The following CSMD1 variants were observed in gnomAD, a reference collection of about 807,000 sequenced individuals.
CSMD1 encodes the protein CUB and sushi domain-containing protein 1.
A neutral mutation model predicts 417.5 loss-of-function variants in CSMD1; 213 were observed. The ratio of observed to expected loss-of-function variants is 0.51; its 90% CI spans 0.46 to 0.57. The LOEUF (loss-of-function observed/expected upper bound fraction) is 0.57, where lower values mean the gene tolerates loss of function less well. CSMD1 is among the 20% of genes least tolerant of loss of function. The pLI is 0.00. For synonymous variants in CSMD1, 2,862 were observed against 1,736.8 expected, an observed-to-expected ratio of 1.65 and a Z score of -16.11; for missense variants, 6,923 against 4,529.7, an observed-to-expected ratio of 1.53 and a Z score of -15.17.
intron 3 of CSMD1, among the ~76,000 whole-genome samples, chr8:4,383,578 G>C (rs1264518237): frequency 3.9e-5 from 6 of 152,086 alleles, no homozygotes; most frequent in Non-Finnish European, 8.8e-5. Context: ...TCTGATTACA[G>C]GGCCCTGAAA....
intron 11 of CSMD1, among the ~76,000 whole-genome samples, chr8:3,484,747 A>T (rs1203916112): frequency 6.6e-6 from 1 of 152,246 alleles, no homozygotes; most frequent in African/African-American, 2.4e-5. Context: ...AGTAAGAAAC[A>T]TCCGCTTAGA....
At chr8:3,752,083 G>A (rs868823486) in intron 6 of CSMD1, among the ~76,000 whole-genome samples, 2 of 151,816 alleles carry the variant, frequency 1.3e-5, no homozygotes, top group Non-Finnish European at 2.9e-5. Flanking sequence ...ACCCAGCCTG[G>A]GTGTGCACCC....
intron 5 of CSMD1, among the ~76,000 whole-genome samples, chr8:3,784,645 C>CT (rs202005053): frequency 0.013 from 1,977 of 152,272 alleles, 22 homozygotes; most frequent in Non-Finnish European, 0.022. Flanking sequence ...AAATAGAAAT[C>CT]TGTTTGGTTT....
At chr8:3,520,564 C>T (rs1431017809) in intron 10 of CSMD1, among the ~76,000 whole-genome samples, 4 of 152,182 alleles carry the variant, frequency 2.6e-5, no homozygotes, top group East Asian at 1.9e-4. Flanking sequence ...TCTAGAAGTG[C>T]GTACATTTAA....
intron 3 of CSMD1, among the ~76,000 whole-genome samples, chr8:4,256,247 C>T (rs757850947): frequency 3.3e-5 from 5 of 152,212 alleles, no homozygotes; most frequent in Non-Finnish European, 7.3e-5. Flanking sequence ...CCTTCTCTCT[C>T]TGCTTTGAGT....
chr8:4,069,999 A>C (rs2130774885), intron 3 of CSMD1, among the ~76,000 whole-genome samples: 1 of 151,778 alleles, frequency 6.6e-6, no homozygotes, highest in East Asian at 1.9e-4. Context: ...TTCCTTTAGA[A>C]TGTTCAATGT....
intron 11 of CSMD1, among the ~76,000 whole-genome samples, chr8:3,488,014 A>T (rs989205666): frequency 6.6e-6 from 1 of 151,392 alleles, no homozygotes; most frequent in Non-Finnish European, 1.5e-5. Flanking sequence ...CTACAAACGC[A>T]ATCAAAATAT....
chr8:3,338,286 G>A (rs1563286894), intron 23 of CSMD1, among the ~76,000 whole-genome samples: 2 of 152,180 alleles, frequency 1.3e-5, no homozygotes, highest in African/African-American at 2.4e-5. Context: ...AGTCATGCGT[G>A]GGTGCTGGGC....
chr8:3,345,550 A>T (rs1464815858), intron 22 of CSMD1, among the ~76,000 whole-genome samples: 1 of 152,186 alleles, frequency 6.6e-6, no homozygotes, highest in Non-Finnish European at 1.5e-5. Context: ...CAATTGGATG[A>T]GGAACAGGCT....
At chr8:4,330,255 A>T (rs1799793926) in intron 3 of CSMD1, among the ~76,000 whole-genome samples, 1 of 122,592 alleles carries the variant, frequency 8.2e-6, no homozygotes, top group Non-Finnish European at 2.0e-5. Context: ...ATCCAGTAGG[A>T]CTCTGTCTGG....
intron 5 of CSMD1, among the ~76,000 whole-genome samples, chr8:3,949,354 C>T (rs1305917629): frequency 2.0e-5 from 3 of 152,268 alleles, no homozygotes; most frequent in Non-Finnish European, 4.4e-5. Flanking sequence ...CTCCCCAACA[C>T]CTCAATCTCA....
At chr8:3,569,339 G>T (rs1020263522) in intron 10 of CSMD1, among the ~76,000 whole-genome samples, 6 of 152,192 alleles carry the variant, frequency 3.9e-5, no homozygotes, top group Non-Finnish European at 7.3e-5. Context: ...TGCATGAGGA[G>T]TTTTACATAA....
chr8:4,920,987 AAAGAAAGAAAAGAAAG>A lies in CSMD1; in HGVS notation c.85+73329_85+73344del, dbSNP rs1806446645. 3.7e-5 allele frequency among the ~76,000 whole-genome samples: 2 copies of A among 54,322 alleles called. 1 individual carries two copies. Among genetic ancestry groups the A allele is most frequent in the African/African-American group, 1.5e-4 (2 of 13,722 alleles). The allele number at this position is 54,322 out of a possible 152,430, so 35.6% of individuals were successfully genotyped here. ...GAAAGAAAGAAAGAAAGAAACAAAG[AAAGAAAGAAAAGAAAG>A]AAAGAAAGAAAAGAAAGAAAGGAAG... On this transcript the variant is annotated intron_variant, in intron 1 of 69. Coordinates refer to ENST00000635120, the MANE Select transcript of CSMD1 (RefSeq NM_033225.6).
chr8:3,501,835 TA>T (rs1371035255), intron 10 of CSMD1, among the ~76,000 whole-genome samples: 3 of 152,306 alleles, frequency 2.0e-5, no homozygotes, highest in Non-Finnish European at 4.4e-5. Flanking sequence ...CCTGAGGTTG[TA>T]AGGGCCAATC....
intron 10 of CSMD1, among the ~76,000 whole-genome samples, chr8:3,521,916 C>G (rs1466531839): frequency 6.6e-6 from 1 of 152,134 alleles, no homozygotes; most frequent in Non-Finnish European, 1.5e-5. Context: ...CTGAGGCAAA[C>G]CCAATTAAAT....
At chr8:3,966,581 G>T (rs905079361) in intron 5 of CSMD1, among the ~76,000 whole-genome samples, 1 of 151,886 alleles carries the variant, frequency 6.6e-6, no homozygotes, top group Admixed American at 6.6e-5. Context: ...GTAAACATTG[G>T]TTTGCAGTTT....
intron 3 of CSMD1, among the ~76,000 whole-genome samples, chr8:4,064,367 G>A (rs1183637749): frequency 6.6e-6 from 1 of 152,172 alleles, no homozygotes; most frequent in Non-Finnish European, 1.5e-5. Flanking sequence ...TCTCTGTTTA[G>A]GGTTTTCTGC....
At position 4,451,722 on chromosome 8, in the gene CSMD1, A is replaced by C. The variant is rs116888172; in HGVS notation, c.303-31657T>G. Among the ~76,000 whole-genome samples, 115 of 152,208 alleles carry C rather than the reference A, an allele frequency of 7.6e-4. 2 individuals are homozygous for C. In the East Asian group the frequency reaches 0.018, roughly 24 times the overall value. ...TTCCAGGCAAAGCTTTTTAAAATTA[A>C]AACAAATTACAACAACAAGGCATCG... On this transcript the variant is annotated intron_variant, in intron 2 of 69. Transcript: ENST00000635120.
intron 61 of CSMD1, among the ~76,000 whole-genome samples, chr8:2,961,691 T>C (rs1299781557): frequency 6.6e-6 from 1 of 152,026 alleles, no homozygotes; most frequent in Admixed American, 6.6e-5. Context: ...AAACCAAGAG[T>C]GACATTTTTC....
Sources: allele counts gnomAD v4.1 joint callset (sites outside exome capture counted in the v4.1 genomes callset), GRCh38; gene constraint gnomAD v4.1.1; transcripts MANE v1.5; gene names NCBI Gene and HGNC (gene_info 2026-07-23, HGNC 2026-07-21).